Variants in NOL4 observed in about 807,000 individuals in gnomAD.
NOL4 encodes nucleolar protein 4.
NOL4 carries 17 observed loss-of-function variants against 75.9 expected under a neutral mutation model. The observed-to-expected ratio is 0.22, with a 90% confidence interval of 0.15 to 0.34. The LOEUF (loss-of-function observed/expected upper bound fraction) is 0.34. NOL4 is among the 10% of genes least tolerant of loss of function. The pLI is 1.00. For synonymous variants in NOL4, 292 were observed against 289.9 expected (o/e 1.01, Z -0.07); for missense variants, 614 against 793.5 (o/e 0.77, Z 2.72).
chr18:34,063,149 T>C (rs1345105151), intron 5 of NOL4, among the ~76,000 whole-genome samples: 3 of 151,980 alleles, frequency 2.0e-5, no homozygotes, highest in Non-Finnish European at 4.4e-5. Flanking sequence ...TGAACCCAAA[T>C]GAAGTAAATG....
At chr18:34,061,325 A>AATG (rs1255539765) in intron 5 of NOL4, among the ~76,000 whole-genome samples, 1 of 152,190 alleles carries the variant, frequency 6.6e-6, no homozygotes, top group Non-Finnish European at 1.5e-5. Flanking sequence ...AGAAAAATAT[A>AATG]ATGAGGTGTT....
chr18:34,185,180 T>C (rs759552255), intron 1 of NOL4, among the ~76,000 whole-genome samples: 1 of 152,178 alleles, frequency 6.6e-6, no homozygotes, highest in Non-Finnish European at 1.5e-5. Context: ...ATCTGAAAAC[T>C]GTCAATTGTG....
chr18:34,008,968 G>GC (rs1488606988), intron 6 of NOL4, among the ~76,000 whole-genome samples: 6 of 152,028 alleles, frequency 3.9e-5, no homozygotes, highest in Middle Eastern at 3.4e-3. Context: ...CAAGCTTCAC[G>GC]CATGTAAATC....
intron 5 of NOL4, among the ~76,000 whole-genome samples, chr18:34,075,776 TG>T (rs1441319985): frequency 1.3e-5 from 2 of 152,218 alleles, no homozygotes; most frequent in Admixed American, 1.3e-4. Flanking sequence ...CTGTTACAGC[TG>T]GAAGACGAGT....
At chr18:34,120,967 C>T (rs770053389) in intron 2 of NOL4, among the ~76,000 whole-genome samples, 1 of 152,106 alleles carries the variant, frequency 6.6e-6, no homozygotes, top group African/African-American at 2.4e-5. Flanking sequence ...GCACTGAGAT[C>T]ACAGGCATGT....
At position 33,988,776 on chromosome 18, in the gene NOL4, T is replaced by C. The variant is rs763994313; in HGVS notation, c.1057-30358A>G. On this transcript the variant is annotated intron_variant, in intron 6 of 10. Transcript: ENST00000261592. ...CCACATGGTATATACACTGTATATA[T>C]TGGAATTCTGTCAAAGACAAAAAAA... Among the ~76,000 whole-genome samples, 240 of 151,968 alleles carry C rather than the reference T, an allele frequency of 1.6e-3. 1 individual carries two copies. The highest frequency in any genetic ancestry group is 2.8e-3 in the Non-Finnish European group (189 of 67,946).
At chr18:34,198,350 A>G (rs1015736124) in intron 1 of NOL4, among the ~76,000 whole-genome samples, 5 of 151,916 alleles carry the variant, frequency 3.3e-5, no homozygotes, top group Admixed American at 3.3e-4. Context: ...ACTAAAAGTG[A>G]CAAACGCCAA....
intron 5 of NOL4, among the ~76,000 whole-genome samples, chr18:34,054,653 A>C: frequency 6.6e-6 from 1 of 151,834 alleles, no homozygotes; most frequent in Middle Eastern, 3.2e-3. Flanking sequence ...TTTTAAATCC[A>C]TTCAGCAAAT....
At chr18:34,051,253 T>TCTATATGACTGTAATATTTAATAAAGC (rs1282646003) in intron 5 of NOL4, among the ~76,000 whole-genome samples, 1 of 152,008 alleles carries the variant, frequency 6.6e-6, no homozygotes, top group Non-Finnish European at 1.5e-5. Context: ...TTTAATAAAA[T>TCTATATGACTGTAATATTTAATAAAGC]CTATATGACT....
At chr18:34,041,488 C>T (rs955502714) in intron 5 of NOL4, among the ~76,000 whole-genome samples, 3 of 149,392 alleles carry the variant, frequency 2.0e-5, no homozygotes, top group Non-Finnish European at 4.5e-5. Flanking sequence ...AATAGTTATC[C>T]ATGGGGACCT....
At chr18:34,103,222 C>G (rs993038062) in intron 4 of NOL4, among the ~76,000 whole-genome samples, 2 of 152,030 alleles carry the variant, frequency 1.3e-5, no homozygotes, top group Admixed American at 1.3e-4. Context: ...GGACCTGAAC[C>G]TGTTTCTAAT....
At chr18:33,973,785 T>C (rs951143973) in intron 6 of NOL4, among the ~76,000 whole-genome samples, 5 of 152,220 alleles carry the variant, frequency 3.3e-5, no homozygotes, top group African/African-American at 4.8e-5. Flanking sequence ...AATAGTGGGC[T>C]CAAAATATTA....
rs1029246041 is a variant in NOL4 at position 33,851,154 on chromosome 18, C to T, written c.*1688G>A. On this transcript the variant is annotated 3_prime_UTR_variant, in exon 11 of 11. Coordinates refer to ENST00000261592, the MANE Select transcript of NOL4 (RefSeq NM_003787.5). ...ACCAAACAAAACAGAGAAAATTATACCAGCCCTCAATTTTTGAATTTTCAT... is the reference window on the plus strand; with the variant it reads ...ACCAAACAAAACAGAGAAAATTATATCAGCCCTCAATTTTTGAATTTTCAT... 1 of 152,434 alleles carries T rather than the reference C, an allele frequency of 6.6e-6. No homozygotes were observed. The highest frequency in any genetic ancestry group is 2.4e-5 in the African/African-American group (1 of 41,428). The allele number at this position is 152,434 out of a possible 1,614,324, so 9.4% of individuals were successfully genotyped here. A position where few individuals can be genotyped will look rare whatever the true frequency, so the allele number is the denominator to read the frequency against.
chr18:34,075,411 A>C (rs1278020847), intron 5 of NOL4, among the ~76,000 whole-genome samples: 1 of 152,180 alleles, frequency 6.6e-6, no homozygotes, highest in Non-Finnish European at 1.5e-5. Context: ...GAATAGAGCC[A>C]AGGGTCTTTT....
At chr18:33,887,356 T>C (rs570931209) in intron 9 of NOL4, among the ~76,000 whole-genome samples, 1 of 151,394 alleles carries the variant, frequency 6.6e-6, no homozygotes, top group South Asian at 2.1e-4. Context: ...AAATTGCAGA[T>C]TATTATTATA....
intron 9 of NOL4, among the ~76,000 whole-genome samples, chr18:33,939,557 A>G (rs916508730): frequency 2.0e-5 from 3 of 152,022 alleles, no homozygotes; most frequent in African/African-American, 7.2e-5. Context: ...GAGTTCACTC[A>G]TGATTTGGAT....
chr18:33,934,003 A>G (rs2067883616), intron 9 of NOL4, among the ~76,000 whole-genome samples: 2 of 152,096 alleles, frequency 1.3e-5, no homozygotes, highest in Non-Finnish European at 2.9e-5. Context: ...TAAGACCTGA[A>G]AGTATGATTA....
chr18:34,130,947 G>A (rs1600683178), intron 1 of NOL4, among the ~76,000 whole-genome samples: 1 of 151,920 alleles, frequency 6.6e-6, no homozygotes, highest in East Asian at 1.9e-4. Context: ...GAGTTTTCAT[G>A]GATAATAGAG....
chr18:34,074,263 G>C (rs1321738763), intron 5 of NOL4, among the ~76,000 whole-genome samples: 1 of 150,784 alleles, frequency 6.6e-6, no homozygotes, highest in African/African-American at 2.4e-5. Flanking sequence ...TTATTTATAT[G>C]CATTATTTCA....
Sources: allele counts gnomAD v4.1 joint callset (sites outside exome capture counted in the v4.1 genomes callset), GRCh38; gene constraint gnomAD v4.1.1; transcripts MANE v1.5; gene names NCBI Gene and HGNC (gene_info 2026-07-23, HGNC 2026-07-21).